Variants in IGSF3 observed in about 807,000 individuals in gnomAD.
IGSF3 encodes glu-Trp-Ile EWI motif-containing protein 3.
In IGSF3, 23 loss-of-function variants were observed where a neutral mutation model predicts 114.4. The observed-to-expected ratio is 0.20, with a 90% CI of 0.14 to 0.28. The LOEUF (loss-of-function observed/expected upper bound fraction) is 0.28. Ranked by LOEUF, IGSF3 falls within the 10% of genes least tolerant of loss-of-function variation. IGSF3 has a pLI of 1.00. For missense variants in IGSF3, 1,172 were observed against 1,591.5 expected, an observed-to-expected ratio of 0.74 and a Z score of 4.48; for synonymous variants, 571 against 645.2, an observed-to-expected ratio of 0.88 and a Z score of 1.74.
Position 116,614,859 on chromosome 1 carries a change from T to C in IGSF3, c.422-684A>G, listed in dbSNP as rs1442994359. Among the ~76,000 whole-genome samples the C allele has an allele frequency of 6.6e-6, 1 of 152,170 alleles. No homozygotes were observed. The highest frequency in any genetic ancestry group is 1.5e-5 in the Non-Finnish European group (1 of 68,030). ...TCCCTTGGTCAGAATCATACCCTGA[T>C]CCTTGCTTGCACCTTTCTGGAGATT... is the stretch of plus-strand genomic sequence containing the variant. On this transcript the variant is annotated intron_variant, in intron 3 of 10. Transcript: ENST00000369486. The surrounding 1 kb of genome is among the most constrained non-coding windows in gnomAD (Gnocchi z 4.5).
rs1463670016 is a variant in IGSF3, at chr1:116,574,961, C to T, written c.*2351G>A. 1 of 152,628 alleles carries T rather than the reference C, an allele frequency of 6.6e-6. No individual in the cohort carries two copies. 9.5% of individuals were successfully genotyped at this position (152,628 alleles called of 1,614,324 possible). On this transcript the variant is annotated 3_prime_UTR_variant, in exon 11 of 11. Coordinates refer to ENST00000369486, the MANE Select transcript of IGSF3 (RefSeq NM_001007237.3). This position sits in a 1 kb window ranked among gnomAD's most constrained non-coding sequence, Gnocchi z 5.2. ...AAAGCAATTATTAAAATACTGGCTTCGGTTTCTTTTTTTCCTTTCAAATTT... is the reference window on the plus strand; with the variant it reads ...AAAGCAATTATTAAAATACTGGCTTTGGTTTCTTTTTTTCCTTTCAAATTT...
Position 116,589,186 on chromosome 1 carries a change from T to C in IGSF3, c.2030-82A>G. 7.5e-7 allele frequency: 1 copy of C among 1,327,162 alleles called. No individual in the cohort carries two copies. Among genetic ancestry groups the C allele is most frequent in the South Asian group, 1.3e-5 (1 of 75,476 alleles). 82.2% of individuals were successfully genotyped at this position (1,327,162 alleles called of 1,614,324 possible). On this transcript the variant is annotated intron_variant, in intron 7 of 10. Transcript: ENST00000369486. This position sits in a 1 kb window ranked among gnomAD's most constrained non-coding sequence, Gnocchi z 5.7. ...CCACCTCCAGGCTCTGAGCCAGGTTTCCTCCAGCACAGTTCCTGGGGGATT... is the reference window on the plus strand; with the variant it reads ...CCACCTCCAGGCTCTGAGCCAGGTTCCCTCCAGCACAGTTCCTGGGGGATT...
rs115392530 is a variant in IGSF3 at position 116,654,105 on chromosome 1, T to C, written c.43+12179A>G. On this transcript the variant is annotated intron_variant, in intron 2 of 10. Coordinates refer to ENST00000369486, the MANE Select transcript of IGSF3 (RefSeq NM_001007237.3). The surrounding 1 kb of genome is among the most constrained non-coding windows in gnomAD (Gnocchi z 4.4). Reference sequence around the variant, plus strand: ...CCATCATTCCTCACACTAACAAACATGTCCATCTATGTGAAGCAGAATTCC... The same window carrying C: ...CCATCATTCCTCACACTAACAAACACGTCCATCTATGTGAAGCAGAATTCC... 1.3e-5 allele frequency among the ~76,000 whole-genome samples: 2 copies of C among 152,150 alleles called. No homozygotes were observed. The highest frequency in any genetic ancestry group is 6.5e-5 in the Admixed American group (1 of 15,280).
At position 116,577,303 on chromosome 1, in the gene IGSF3, A is replaced by C. The variant is rs1209350188; in HGVS notation, c.*9T>G. On this transcript the variant is annotated 3_prime_UTR_variant, in exon 11 of 11. Coordinates refer to ENST00000369486, the MANE Select transcript of IGSF3 (RefSeq NM_001007237.3). This position sits in a 1 kb window ranked among gnomAD's most constrained non-coding sequence, Gnocchi z 5.7. ...CTCCGTGGCCAACATCCGCTGGGGC[A>C]TCACCCGCTTAGTCTATGGCCCCTG... The C allele has an allele frequency of 6.2e-7, 1 of 1,612,916 alleles. No individual in the cohort carries two copies. The highest frequency in any genetic ancestry group is 1.1e-5 in the South Asian group (1 of 91,016).
At chr1:116,646,358 A>G (rs2101062718) in intron 2 of IGSF3, among the ~76,000 whole-genome samples, 1 of 152,254 alleles carries the variant, frequency 6.6e-6, no homozygotes, top group Admixed American at 6.5e-5. Flanking sequence ...GGTCCACACA[A>G]AGAGGATGGA....
At position 116,644,671 on chromosome 1, in the gene IGSF3, G is replaced by GGT. The variant is rs781283369; in HGVS notation, c.43+21611_43+21612dup. ...GCAGAGAGGATGGGCAGCAAAGGAG[G>GGT]GTGTGTGTGGCGATCAGCCATCAGA... On this transcript the variant is annotated intron_variant, in intron 2 of 10. Coordinates refer to ENST00000369486, the MANE Select transcript of IGSF3 (RefSeq NM_001007237.3). This position sits in a 1 kb window ranked among gnomAD's most constrained non-coding sequence, Gnocchi z 5.6. Among the ~76,000 whole-genome samples the GGT allele has an allele frequency of 6.6e-6, 1 of 152,178 alleles. No homozygotes were observed. Among genetic ancestry groups the GGT allele is most frequent in the African/African-American group, 2.4e-5 (1 of 41,426 alleles).
chr1:116,640,248 A>C (rs1343712974), intron 2 of IGSF3, among the ~76,000 whole-genome samples: 1 of 152,188 alleles, frequency 6.6e-6, no homozygotes, highest in South Asian at 2.1e-4. Context: ...ACACAGACAC[A>C]TGTATAACAA....
chr1:116,639,124 A>C (rs1647965052), intron 2 of IGSF3, among the ~76,000 whole-genome samples: 1 of 152,226 alleles, frequency 6.6e-6, no homozygotes, highest in Admixed American at 6.5e-5. Context: ...GCCCAGGGAC[A>C]GGTGAGGCAC....
rs1488111416 is a variant in IGSF3 at position 116,632,994 on chromosome 1, G to A, written c.44-16537C>T. ...TATCCTGCCAGGCTCATTGTAAAGTGACGAATTTTGTGGACACTTACAGAG... is the reference window on the plus strand; with the variant it reads ...TATCCTGCCAGGCTCATTGTAAAGTAACGAATTTTGTGGACACTTACAGAG... On this transcript the variant is annotated intron_variant, in intron 2 of 10. Transcript: ENST00000369486. The surrounding 1 kb of genome is among the most constrained non-coding windows in gnomAD (Gnocchi z 5.1). Among the ~76,000 whole-genome samples, 1 of 152,258 alleles carries A rather than the reference G, an allele frequency of 6.6e-6. No homozygotes were observed. Among genetic ancestry groups the A allele is most frequent in the African/African-American group, 2.4e-5 (1 of 41,478 alleles).
intron 4 of IGSF3, 151 bp from the exon 5 acceptor site, chr1:116,608,482 A>C: frequency 1.6e-6 from 1 of 643,264 alleles, no homozygotes; most frequent in Non-Finnish European, 2.7e-6. Flanking sequence ...GTAAAATCCA[A>C]CTCAGACCCA....
At position 116,654,187 on chromosome 1, in the gene IGSF3, G is replaced by A. The variant is rs1416245391; in HGVS notation, c.43+12097C>T. Among the ~76,000 whole-genome samples, 1 of 152,190 alleles carries A rather than the reference G, an allele frequency of 6.6e-6. No individual in the cohort carries two copies. Among genetic ancestry groups the A allele is most frequent in the Non-Finnish European group, 1.5e-5 (1 of 68,030 alleles). On this transcript the variant is annotated intron_variant, in intron 2 of 10. Transcript: ENST00000369486. This position sits in a 1 kb window ranked among gnomAD's most constrained non-coding sequence, Gnocchi z 4.4. Reference sequence around the variant, plus strand: ...ACCACTGCCAAACAAAGCTGAAGAGGAAAACCAGAAAGGTCTCTGAGAAGT... The same window carrying A: ...ACCACTGCCAAACAAAGCTGAAGAGAAAAACCAGAAAGGTCTCTGAGAAGT...
At chr1:116,630,764 C>T (rs891078313) in intron 2 of IGSF3, among the ~76,000 whole-genome samples, 2 of 152,184 alleles carry the variant, frequency 1.3e-5, no homozygotes, top group African/African-American at 4.8e-5. Flanking sequence ...AAAGGCTTCA[C>T]ACAAGAGAGG....
intron 4 of IGSF3, 129 bp downstream of exon 4, chr1:116,613,636 G>C (rs953659419): frequency 1.2e-6 from 1 of 856,948 alleles, no homozygotes; most frequent in African/African-American, 1.7e-5. Context: ...CACAAGACCG[G>C]CTTTAACTTC....
chr1:116,581,816 T>G (rs1451024506), intron 9 of IGSF3, among the ~76,000 whole-genome samples: 1 of 152,150 alleles, frequency 6.6e-6, no homozygotes, highest in Non-Finnish European at 1.5e-5. Flanking sequence ...ACTCAACTCC[T>G]CAGTTGTAAC....
rs1187418821 is a variant in IGSF3 at position 116,595,551 on chromosome 1, A to C, written c.2029+4390T>G. On this transcript the variant is annotated intron_variant, in intron 7 of 10. Coordinates refer to ENST00000369486, the MANE Select transcript of IGSF3 (RefSeq NM_001007237.3). The surrounding 1 kb of genome is among the most constrained non-coding windows in gnomAD (Gnocchi z 4.2). ...AGAAATAGAAGAAAACCGATTTGGC[A>C]ACATCCAGAGGGTATTAAATATTCA... Among the ~76,000 whole-genome samples the C allele has an allele frequency of 1.3e-5, 2 of 152,236 alleles. No homozygotes were observed. Among genetic ancestry groups the C allele is most frequent in the Non-Finnish European group, 2.9e-5 (2 of 68,042 alleles).
In IGSF3 at chr1:116,603,788, T is replaced by C; in HGVS notation, c.1460A>G (p.Glu487Gly). The change falls in exon 6 of 11, where the codon GAG becomes GGG. Residue 487 changes from glutamate (E) to glycine (G), a missense_variant. Glu to Gly is a moderately conservative substitution (Grantham distance 98). Around this residue, in one of 3 missense-constraint regions of IGSF3, gnomAD observed 736 missense variants for 1,042.0 expected, o/e 0.71. Transcript: ENST00000369486. The surrounding 1 kb of genome is among the most constrained non-coding windows in gnomAD (Gnocchi z 7.1). ...ERSSFGGVQM[E>G]QVQPNSFSLG... ...GCTGAACGAGTTGGGCTGCACCTGC[T>C]CCATCTGGACGCCCCCAAAGCTGCT... 1 of 1,613,998 alleles carries C rather than the reference T, an allele frequency of 6.2e-7. No individual in the cohort carries two copies. Among genetic ancestry groups the C allele is most frequent in the Non-Finnish European group, 8.5e-7 (1 of 1,179,868 alleles).
rs71274759 is a variant in IGSF3 at position 116,660,479 on chromosome 1, C to CTTT, written c.43+5802_43+5804dup. ...CCACACCTGGCCTATGTATGCTTTT[C>CTTT]TTTTTTTTTTTTTTTTTTTTTTTGA... On this transcript the variant is annotated intron_variant, in intron 2 of 10. Transcript: ENST00000369486. Among the ~76,000 whole-genome samples, 145 of 99,716 alleles carry CTTT rather than the reference C, an allele frequency of 1.5e-3. 1 individual carries two copies. The highest frequency in any genetic ancestry group is 3.9e-3 in the East Asian group (13 of 3,334). The allele number at this position is 99,716 out of a possible 152,430, so 65.4% of individuals were successfully genotyped here. A position where few individuals can be genotyped will look rare whatever the true frequency, so the allele number is the denominator to read the frequency against.
Position 116,615,603 on chromosome 1 carries a change from G to A in IGSF3, c.421+477C>T, listed in dbSNP as rs530671316. Among the ~76,000 whole-genome samples the A allele has an allele frequency of 3.3e-5, 5 of 152,086 alleles. No homozygotes were observed. The highest frequency in any genetic ancestry group is 6.6e-5 in the Admixed American group (1 of 15,266). ...AGACAGCCAGTTCATAGTTCCTTAC[G>A]CATGGAGCCAAAGGACCTTCAATGT... On this transcript the variant is annotated intron_variant, in intron 3 of 10. Coordinates refer to ENST00000369486, the MANE Select transcript of IGSF3 (RefSeq NM_001007237.3). The surrounding 1 kb of genome is among the most constrained non-coding windows in gnomAD (Gnocchi z 4.3).
rs564620592 is a variant in IGSF3, at chr1:116,599,781, C to T, written c.2029+160G>A. On this transcript the variant is annotated intron_variant, in intron 7 of 10. Coordinates refer to ENST00000369486, the MANE Select transcript of IGSF3 (RefSeq NM_001007237.3). Reference sequence around the variant, plus strand: ...ATCAAGGAAAGGAAATACAAGTGTCCACTGCACGATTCTTAAAACTTCCTA... The same window carrying T: ...ATCAAGGAAAGGAAATACAAGTGTCTACTGCACGATTCTTAAAACTTCCTA... 2.6e-5 allele frequency among the ~76,000 whole-genome samples: 4 copies of T among 152,322 alleles called. No individual in the cohort carries two copies. The South Asian group carries it at 8.3e-4, about 32-fold the overall frequency.
Sources: gnomAD v4.1 joint callset for allele counts (sites outside exome capture counted in the v4.1 genomes callset) on GRCh38, gnomAD v4.1.1 for gene constraint, gnomAD v4.1.1 regional missense constraint, Gnocchi (gnomAD v3.1) non-coding constraint, MANE v1.5 for transcripts, NCBI Gene and HGNC (gene_info 2026-07-23, HGNC 2026-07-21) for gene names.